Variants in IL1RAPL1 observed in about 807,000 individuals in gnomAD.
IL1RAPL1 encodes interleukin 1 receptor accessory protein like 1.
IL1RAPL1 carries 3 observed loss-of-function variants against 48.4 expected under a neutral mutation model. The ratio of observed to expected loss-of-function variants is 0.06; its 90% CI spans 0.03 to 0.16. The LOEUF is 0.16. Ranked by LOEUF, IL1RAPL1 falls within the 10% of genes least tolerant of loss-of-function variation. The probability of loss-of-function intolerance (pLI) is 1.00; values close to 1 mark genes in which losing one functional copy is unlikely to be tolerated. For synonymous variants in IL1RAPL1, 185 were observed against 187.7 expected, an observed-to-expected ratio of 0.99 and a Z score of 0.12; for missense variants, 349 against 530.6, an observed-to-expected ratio of 0.66 and a Z score of 3.36.
intron 2 of IL1RAPL1, among the ~76,000 whole-genome samples, chrX:28,867,123 G>C (rs1922096688): frequency 9.0e-6 from 1 of 111,402 alleles, no homozygotes; most frequent in Non-Finnish European, 1.9e-5. Context: ...AAATCTGCCA[G>C]TGCCAAGGTC....
rs193082369 is a variant in IL1RAPL1 at position 29,540,246 on chromosome X, A to G, written c.704-128184A>G. ...GAAGATGAAAGATCTCTACAAGGAGAACTGTAAAATATTGCAAAAAAAAAA... is the reference window on the plus strand; with the variant it reads ...GAAGATGAAAGATCTCTACAAGGAGGACTGTAAAATATTGCAAAAAAAAAA... On this transcript the variant is annotated intron_variant, in intron 5 of 10. Transcript: ENST00000378993. Among the ~76,000 whole-genome samples the G allele has an allele frequency of 4.7e-5, 5 of 105,437 alleles. No individual in the cohort carries two copies. The East Asian group carries it at 1.4e-3, about 30-fold the overall frequency. The allele number at this position is 105,437 out of a possible 115,157, so 91.6% of individuals were successfully genotyped here.
intron 2 of IL1RAPL1, among the ~76,000 whole-genome samples, chrX:29,121,500 A>G (rs1049658234): frequency 8.9e-6 from 1 of 112,015 alleles, no homozygotes; most frequent in Non-Finnish European, 1.9e-5. Flanking sequence ...GTTGTAGACT[A>G]TCTATATAGA....
At chrX:29,908,375 A>AAT (rs71761547) in intron 6 of IL1RAPL1, among the ~76,000 whole-genome samples, 5,329 of 102,146 alleles carry the variant, frequency 0.052, 217 homozygotes, top group African/African-American at 0.13. Context: ...CCATTTCAAA[A>AAT]ATATATATAT....
chrX:29,276,757 C>T (rs368265955), intron 2 of IL1RAPL1, among the ~76,000 whole-genome samples: 9 of 110,888 alleles, frequency 8.1e-5, no homozygotes, highest in African/African-American at 2.6e-4. Context: ...CTTAAAGAAT[C>T]CTCCCACATC....
At chrX:29,528,310 C>G (rs762996704) in intron 5 of IL1RAPL1, among the ~76,000 whole-genome samples, 9 of 112,317 alleles carry the variant, frequency 8.0e-5, no homozygotes, top group Non-Finnish European at 1.5e-4. Flanking sequence ...CAATAAAGTA[C>G]TAGGCAACTA....
rs781009753 is a variant in IL1RAPL1, at chrX:29,751,676, A to T, written c.778+83172A>T. Among the ~76,000 whole-genome samples the T allele has an allele frequency of 7.2e-5, 8 of 110,931 alleles. No individual in the cohort carries two copies. In the South Asian group the frequency reaches 3.1e-3, roughly 43 times the overall value. ...CTGGGTGTGGTGGCCCAAACCTATAATCCCAGTGTTTTGGGAGGCCGAGGT... is the reference window on the plus strand; with the variant it reads ...CTGGGTGTGGTGGCCCAAACCTATATTCCCAGTGTTTTGGGAGGCCGAGGT... On this transcript the variant is annotated intron_variant, in intron 6 of 10. Transcript: ENST00000378993.
intron 2 of IL1RAPL1, among the ~76,000 whole-genome samples, chrX:29,165,010 G>A (rs1045815228): frequency 2.6e-4 from 29 of 111,938 alleles, no homozygotes; most frequent in African/African-American, 9.4e-4. Flanking sequence ...TTGTGATTAC[G>A]TCTTCAGGAT....
rs754275162 is a variant in IL1RAPL1, at chrX:29,803,004, TATATAC to T, written c.779-114455_779-114450del. 6.2e-4 allele frequency among the ~76,000 whole-genome samples: 43 copies of T among 69,193 alleles called. 2 individuals are homozygous for T. The highest frequency in any genetic ancestry group is 2.8e-3 in the African/African-American group (42 of 15,207). The allele number at this position is 69,193 out of a possible 115,157, so 60.1% of individuals were successfully genotyped here. ...ACATGTGTACATATATATGTATGCA[TATATAC>T]ATATGTGTACATATACATGTATGCA... is the stretch of plus-strand genomic sequence containing the variant. On this transcript the variant is annotated intron_variant, in intron 6 of 10. Transcript: ENST00000378993.
chrX:28,685,738 T>A (rs1420418313), intron 1 of IL1RAPL1, among the ~76,000 whole-genome samples: 1 of 111,960 alleles, frequency 8.9e-6, no homozygotes, highest in Non-Finnish European at 1.9e-5. Context: ...TCATGAAATG[T>A]GGTCATTTAG....
At chrX:28,895,233 G>T (rs1419549543) in intron 2 of IL1RAPL1, among the ~76,000 whole-genome samples, 1 of 110,945 alleles carries the variant, frequency 9.0e-6, no homozygotes, top group Non-Finnish European at 1.9e-5. Flanking sequence ...AACCTGTAAG[G>T]CTTGTCTGGT....
chrX:29,717,972 C>G (rs1013223947), intron 6 of IL1RAPL1, among the ~76,000 whole-genome samples: 2 of 111,731 alleles, frequency 1.8e-5, no homozygotes, highest in Non-Finnish European at 3.8e-5. Flanking sequence ...TGGGAAATAC[C>G]AAGCTAGTTA....
At chrX:28,883,912 C>T (rs1321229841) in intron 2 of IL1RAPL1, among the ~76,000 whole-genome samples, 3 of 111,108 alleles carry the variant, frequency 2.7e-5, no homozygotes, top group African/African-American at 9.8e-5. Flanking sequence ...TTCTTTTGTT[C>T]TTTGTTTTTT....
intron 1 of IL1RAPL1, among the ~76,000 whole-genome samples, chrX:28,635,839 A>G (rs1934458168): frequency 9.0e-6 from 1 of 111,260 alleles, no homozygotes; most frequent in African/African-American, 3.3e-5. Context: ...ATGGCCATCC[A>G]CTGAATACTT....
intron 5 of IL1RAPL1, among the ~76,000 whole-genome samples, chrX:29,496,545 A>G (rs1418704726): frequency 4.8e-5 from 5 of 104,332 alleles, no homozygotes; most frequent in Non-Finnish European, 9.8e-5. Context: ...AAACTTCCAG[A>G]AGCCTCCCCA....
chrX:28,922,334 T>C (rs779771450), intron 2 of IL1RAPL1, among the ~76,000 whole-genome samples: 40 of 112,265 alleles, frequency 3.6e-4, no homozygotes, highest in Non-Finnish European at 5.6e-4. Flanking sequence ...GAAATTCTTG[T>C]ATGCATTCCT....
At chrX:28,861,237 A>T (rs759586174) in intron 2 of IL1RAPL1, among the ~76,000 whole-genome samples, 175 of 111,856 alleles carry the variant, frequency 1.6e-3, no homozygotes, top group Non-Finnish European at 2.3e-3. Flanking sequence ...AAGTGATGAC[A>T]ATCGATCAGT....
At chrX:28,884,099 G>A (rs1218152829) in intron 2 of IL1RAPL1, among the ~76,000 whole-genome samples, 3 of 111,245 alleles carry the variant, frequency 2.7e-5, no homozygotes, top group African/African-American at 6.5e-5. Flanking sequence ...TGGGTGCAGC[G>A]CACAAGCATG....
chrX:28,982,698 C>T (rs982127411), intron 2 of IL1RAPL1, among the ~76,000 whole-genome samples: 26 of 111,864 alleles, frequency 2.3e-4, no homozygotes, highest in African/African-American at 8.4e-4. Flanking sequence ...AGGTAAGTGC[C>T]GAATCTGACC....
intron 2 of IL1RAPL1, among the ~76,000 whole-genome samples, chrX:29,252,036 G>A (rs113375872): frequency 0.049 from 5,076 of 104,497 alleles, 502 homozygotes; most frequent in African/African-American, 0.18. Flanking sequence ...AACACCGCGT[G>A]TTCTCACTCA....
Sources: gnomAD v4.1 joint callset for allele counts (sites outside exome capture counted in the v4.1 genomes callset) on GRCh38, gnomAD v4.1.1 for gene constraint, MANE v1.5 for transcripts, NCBI Gene and HGNC (gene_info 2026-07-23, HGNC 2026-07-21) for gene names.